Variants in PSMG2 observed in about 807,000 individuals in gnomAD.
PSMG2 encodes the protein CD40 ligand-activated specific transcript 3.
A neutral mutation model predicts 31.5 loss-of-function variants in PSMG2; 21 were observed. That is an observed-to-expected ratio of 0.67 (90% confidence interval 0.47 to 0.96). PSMG2 has a LOEUF of 0.96. Among genes scored for constraint, PSMG2 ranks in the 40% least tolerant of loss-of-function variants. The probability of loss-of-function intolerance (pLI) is 0.00; values close to 1 mark genes in which losing one functional copy is unlikely to be tolerated. For synonymous variants in PSMG2, 120 were observed against 110.4 expected (o/e 1.09, Z -0.54); for missense variants, 318 against 321.2 (o/e 0.99, Z 0.08).
intron 1 of PSMG2, among the ~76,000 whole-genome samples, chr18:12,681,795 T>A (rs1214846475): frequency 6.6e-6 from 1 of 152,170 alleles, no homozygotes; most frequent in Non-Finnish European, 1.5e-5. Context: ...TCTTTGGTTA[T>A]ATTACTTTCA....
Position 12,724,493 on chromosome 18 carries a change from T to G in PSMG2, c.582-6T>G. 5.0e-6 allele frequency: 8 copies of G among 1,594,468 alleles called. No individual in the cohort carries two copies. Among genetic ancestry groups the G allele is most frequent in the Non-Finnish European group, 6.8e-6 (8 of 1,172,850 alleles). ...GAATACTGATTCTTATTTTTATTTCTTGTAGCTGTTCTAAAGAAATCCAAA... is the reference window on the plus strand; with the variant it reads ...GAATACTGATTCTTATTTTTATTTCGTGTAGCTGTTCTAAAGAAATCCAAA... On this transcript the variant is annotated splice_region_variant and splice_polypyrimidine_tract_variant and intron_variant, in intron 5 of 6. Coordinates refer to ENST00000317615, the MANE Select transcript of PSMG2 (RefSeq NM_020232.5).
chr18:12,699,827 T>A (rs899185725), upstream of PSMG2: 3 of 1,507,498 alleles, frequency 2.0e-6, no homozygotes, highest in South Asian at 1.2e-5. Context: ...AAAATATACA[T>A]ACTTTTTTTT....
At chr18:12,671,254 A>AT (rs2038934995) in intron 1 of PSMG2, 1 of 152,134 alleles carries the variant, frequency 6.6e-6, no homozygotes, top group Admixed American at 6.6e-5. Flanking sequence ...CAAAAAGTAA[A>AT]TTTTAAGACA....
At chr18:12,671,118 C>T (rs948086132) in intron 1 of PSMG2, 3 of 143,156 alleles carry the variant, frequency 2.1e-5, no homozygotes, top group Non-Finnish European at 4.7e-5. Context: ...TAGATTTATT[C>T]TTTTAGAGAA....
upstream of PSMG2, chr18:12,702,634 G>C: frequency 7.6e-6 from 11 of 1,438,414 alleles, no homozygotes; most frequent in South Asian, 1.1e-4. Flanking sequence ...AGCGTTAGGA[G>C]CGACTGGAGC....
chr18:12,695,113 CCT>C, intron 1 of PSMG2: 2 of 445,736 alleles, frequency 4.5e-6, no homozygotes, highest in South Asian at 9.9e-5. Context: ...TCTTCCTCAT[CCT>C]TTTTGTGAAC....
chr18:12,662,822 A>G (rs2038723572), intron 1 of PSMG2, among the ~76,000 whole-genome samples: 1 of 152,210 alleles, frequency 6.6e-6, no homozygotes, highest in African/African-American at 2.4e-5. Flanking sequence ...GAGGATTGAG[A>G]TAAAATGTGT....
rs1432567776 is a variant in PSMG2, at chr18:12,725,422, T to G, written c.703-17T>G. ...GGTAAAGTTTAAAGATTAAAATATT[T>G]TGTTCTTCAATTACAGAGCGATGAC... On this transcript the variant is annotated splice_polypyrimidine_tract_variant and intron_variant, in intron 6 of 6. Coordinates refer to ENST00000317615, the MANE Select transcript of PSMG2 (RefSeq NM_020232.5). 6.6e-7 allele frequency: 1 copy of G among 1,523,040 alleles called. No homozygotes were observed. Among genetic ancestry groups the G allele is most frequent in the Middle Eastern group, 1.7e-4 (1 of 5,846 alleles). 94.3% of individuals were successfully genotyped at this position (1,523,040 alleles called of 1,614,324 possible). A position where few individuals can be genotyped will look rare whatever the true frequency, so the allele number is the denominator to read the frequency against.
At chr18:12,711,173 G>C (rs1017635764) in intron 2 of PSMG2, among the ~76,000 whole-genome samples, 18 of 152,082 alleles carry the variant, frequency 1.2e-4, no homozygotes, top group African/African-American at 4.1e-4. Flanking sequence ...TTGAGAGGCT[G>C]ACACACAAGA....
chr18:12,720,431 G>A (rs968643623), intron 4 of PSMG2, 79 bp from the exon 5 acceptor site: 3 of 1,215,238 alleles, frequency 2.5e-6, no homozygotes, highest in African/African-American at 3.1e-5. Context: ...CAGAATATAT[G>A]GAGACCAAGA....
chr18:12,706,518 T>A, intron 1 of PSMG2, 32 bp from the exon 2 acceptor site: 1 of 1,605,040 alleles, frequency 6.2e-7, no homozygotes, highest in African/African-American at 1.3e-5. Flanking sequence ...CTAATTTTGG[T>A]GACTTACTGA....
At chr18:12,683,331 G>A (rs1050284210) in intron 1 of PSMG2, among the ~76,000 whole-genome samples, 4 of 151,338 alleles carry the variant, frequency 2.6e-5, no homozygotes, top group Non-Finnish European at 4.4e-5. Flanking sequence ...CAGCCTGGGC[G>A]ACAGAGCGAG....
rs372768300 is a variant in PSMG2, at chr18:12,720,522, G to A, written c.420G>A (p.Arg140=). 1 of 1,598,780 alleles carries A rather than the reference G, an allele frequency of 6.3e-7. No homozygotes were observed. Among genetic ancestry groups the A allele is most frequent in the Admixed American group, 1.8e-5 (1 of 56,102 alleles). ...TGATTATTTCTAGTACTCCCTTCCGGTACCTACTTACACCTTCCATGCAAA... is the reference window on the plus strand; with the variant it reads ...TGATTATTTCTAGTACTCCCTTCCGATACCTACTTACACCTTCCATGCAAA... The part of the protein sequence containing the change: ...NDLQLRSTPF[R]YLLTPSMQKS... The change falls in exon 5 of 7, where the codon CGG becomes CGA. Residue 140 remains arginine (R), a synonymous_variant. Transcript: ENST00000317615.
chr18:12,666,476 GT>G (rs1490341318), intron 1 of PSMG2, among the ~76,000 whole-genome samples: 2 of 123,130 alleles, frequency 1.6e-5, no homozygotes, highest in Non-Finnish European at 3.2e-5. Flanking sequence ...GTCTCCCTCT[GT>G]TGCCCAGGCT....
chr18:12,718,531 A>T lies in PSMG2; in HGVS notation c.303A>T (p.Pro101=), dbSNP rs17851032. The T allele has an allele frequency of 6.2e-7, 1 of 1,609,238 alleles. No homozygotes were observed. Among genetic ancestry groups the T allele is most frequent in the Non-Finnish European group, 8.5e-7 (1 of 1,177,492 alleles). ...RSIFIKYKSK[P]FCEKLLSWVK... ...GGTGTGCAAAGTATAAATCAAAGCC[A>T]TTCTGTGAAAAACTGCTTTCCTGGG... Residue 101 remains proline (P), a synonymous_variant, in exon 4 of 7, where the codon CCA becomes CCT. Transcript: ENST00000317615.
upstream of PSMG2, chr18:12,702,641 G>A: frequency 7.1e-7 from 1 of 1,407,682 alleles, no homozygotes; most frequent in Admixed American, 2.3e-5. Flanking sequence ...GGAGCGACTG[G>A]AGCACAAAGC....
intron 1 of PSMG2, among the ~76,000 whole-genome samples, chr18:12,660,963 A>G (rs753446734): frequency 3.9e-5 from 6 of 152,244 alleles, no homozygotes; most frequent in Admixed American, 6.5e-5. Context: ...TCTTTTTTGT[A>G]TAAAGACTAT....
chr18:12,719,380 G>C (rs1022692312), intron 4 of PSMG2, among the ~76,000 whole-genome samples: 1 of 152,104 alleles, frequency 6.6e-6, no homozygotes, highest in African/African-American at 2.4e-5. Context: ...TATACTCTAA[G>C]ATGTAGCTTT....
chr18:12,715,763 C>T (rs1290042396), intron 3 of PSMG2, among the ~76,000 whole-genome samples: 2 of 152,226 alleles, frequency 1.3e-5, no homozygotes, highest in African/African-American at 4.8e-5. Flanking sequence ...ACCACAGCCT[C>T]CCAAAGTGCT....
Sources: gnomAD v4.1 joint callset for allele counts (sites outside exome capture counted in the v4.1 genomes callset) on GRCh38, gnomAD v4.1.1 for gene constraint, MANE v1.5 for transcripts, NCBI Gene and HGNC (gene_info 2026-07-23, HGNC 2026-07-21) for gene names.